Variants in CFAP54 observed in about 807,000 individuals in gnomAD.
CFAP54 encodes the protein cilia and flagella associated protein 54.
A neutral mutation model predicts 370.4 loss-of-function variants in CFAP54; 290 were observed. That is an observed-to-expected ratio of 0.78 (90% CI 0.71 to 0.86). CFAP54 has a LOEUF of 0.86. CFAP54 is among the 40% of genes least tolerant of loss of function. The pLI, the probability that CFAP54 is intolerant of heterozygous loss-of-function variation, is 0.00. For missense variants in CFAP54, 3,399 were observed against 3,528.7 expected (o/e 0.96, Z 0.93); for synonymous variants, 1,206 against 1,236.5 (o/e 0.98, Z 0.52).
chr12:96,581,763 T>C (rs925754072), intron 22 of CFAP54, among the ~76,000 whole-genome samples: 7 of 152,066 alleles, frequency 4.6e-5, no homozygotes, highest in African/African-American at 1.7e-4. Context: ...TTATTTTACA[T>C]CCTGATATTT....
Position 96,503,912 on chromosome 12 carries a change from C to T in CFAP54, c.450C>T (p.Cys150=). The part of the protein sequence containing the change: ...MKEYKLALLQ[C]YGRYLQQFNT... ...AATACAAACTGGCCCTTTTACAATGCTATGGAAGATATCTTCAGCAGTTCA... is the reference window on the plus strand; with the variant it reads ...AATACAAACTGGCCCTTTTACAATGTTATGGAAGATATCTTCAGCAGTTCA... The change falls in exon 3 of 68, where the codon TGC becomes TGT. Residue 150 remains cysteine (C), a synonymous_variant. Transcript: ENST00000524981. 1 of 1,515,170 alleles carries T rather than the reference C, an allele frequency of 6.6e-7. No individual in the cohort carries two copies. The highest frequency in any genetic ancestry group is 8.8e-7 in the Non-Finnish European group (1 of 1,138,778). The allele number at this position is 1,515,170 out of a possible 1,614,324, so 93.9% of individuals were successfully genotyped here.
rs1958257479 is a variant in CFAP54 at position 96,756,395 on chromosome 12, T to C, written c.7841-63T>C. 1.0e-5 allele frequency: 9 copies of C among 865,972 alleles called. No homozygotes were observed. The South Asian group carries it at 1.5e-4, about 15-fold the overall frequency. The allele number at this position is 865,972 out of a possible 1,614,324, so 53.6% of individuals were successfully genotyped here. On this transcript the variant is annotated intron_variant, in intron 56 of 67. Transcript: ENST00000524981. The stretch of plus-strand genomic sequence containing the variant: ...TTCTGAATTTCCAGCATGAAATATT[T>C]GTTCTTAAGTTCTAAGTGCTAGAAA...
chr12:96,704,384 G>A lies in CFAP54; in HGVS notation c.6475-359G>A, dbSNP rs1443366130. On this transcript the variant is annotated intron_variant, in intron 46 of 67. Coordinates refer to ENST00000524981, the MANE Select transcript of CFAP54 (RefSeq NM_001306084.2). ...GGAGCTTGCAGTGAGCTGAGATGGC[G>A]CCACTGCACTCCAGCCTGGGCGACA... Among the ~76,000 whole-genome samples the A allele has an allele frequency of 1.1e-3, 161 of 141,576 alleles. 1 individual carries two copies. The highest frequency in any genetic ancestry group is 3.3e-3 in the African/African-American group (126 of 38,218). 92.9% of individuals were successfully genotyped at this position (141,576 alleles called of 152,430 possible). A position where few individuals can be genotyped will look rare whatever the true frequency, so the allele number is the denominator to read the frequency against.
intron 66 of CFAP54, among the ~76,000 whole-genome samples, chr12:96,838,787 G>T (rs1465812675): frequency 6.6e-6 from 1 of 152,182 alleles, no homozygotes; most frequent in Non-Finnish European, 1.5e-5. Context: ...TGACAGTCTA[G>T]AAGGAAGGGA....
At chr12:96,763,629 A>T (rs1257496743) in intron 58 of CFAP54, among the ~76,000 whole-genome samples, 2 of 152,014 alleles carry the variant, frequency 1.3e-5, no homozygotes, top group Non-Finnish European at 2.9e-5. Flanking sequence ...AAATACAAAA[A>T]CTAGCTGGGT....
Position 96,621,690 on chromosome 12 carries a change from G to C in CFAP54, c.3740G>C (p.Gly1247Ala). The part of the protein sequence containing the change: ...ITPGCKSLFD[G>A]SNEQEEMPEE... The stretch of plus-strand genomic sequence containing the variant: ...CCAGGATGCAAGTCTCTGTTTGATG[G>C]TAGTAATGAACAAGAAGAAATGCCA... Residue 1247 changes from glycine (G) to alanine (A), a missense_variant, in exon 27 of 68, where the codon GGT becomes GCT. Physicochemically the swap from Gly to Ala is moderately conservative, Grantham distance 60. Around this residue, in one of 3 missense-constraint regions of CFAP54, gnomAD observed 2,796 missense variants for 2,869.7 expected, o/e 0.97. Transcript: ENST00000524981. 1 of 1,526,830 alleles carries C rather than the reference G, an allele frequency of 6.5e-7. No homozygotes were observed. Among genetic ancestry groups the C allele is most frequent in the Non-Finnish European group, 8.8e-7 (1 of 1,141,974 alleles). The allele number at this position is 1,526,830 out of a possible 1,614,324, so 94.6% of individuals were successfully genotyped here.
rs1449375169 is a variant in CFAP54, at chr12:96,743,900, T to C, written c.7547T>C (p.Leu2516Pro). The C allele has an allele frequency of 6.2e-7, 1 of 1,612,346 alleles. No homozygotes were observed. ...TTGTTAACTCGGGCTCATAGCATTCTAACTGAACAGGTGAGAATGCTTTTG... is the reference window on the plus strand; with the variant it reads ...TTGTTAACTCGGGCTCATAGCATTCCAACTGAACAGGTGAGAATGCTTTTG... ...LNLLTRAHSI[L>P]TEQMLAFGET... The change falls in exon 54 of 68, where the codon CTA (leucine) becomes CCA (proline). Residue 2516 changes from leucine to proline, a missense_variant. By Grantham distance (98) the Leu-to-Pro change is moderately conservative. Transcript: ENST00000524981.
At chr12:96,490,458 A>G (rs1954868613) in intron 1 of CFAP54, among the ~76,000 whole-genome samples, 1 of 152,194 alleles carries the variant, frequency 6.6e-6, no homozygotes, top group South Asian at 2.1e-4. Context: ...TTTTCTCCAT[A>G]TACAAATTTA....
chr12:96,641,502 T>C (rs1322896072), intron 32 of CFAP54, among the ~76,000 whole-genome samples: 1 of 151,940 alleles, frequency 6.6e-6, no homozygotes, highest in Non-Finnish European at 1.5e-5. Context: ...AGTTCAACCT[T>C]TGTGGAAGTC....
At chr12:96,857,174 C>T (rs1006676281) in intron 66 of CFAP54, among the ~76,000 whole-genome samples, 6 of 152,144 alleles carry the variant, frequency 3.9e-5, no homozygotes, top group East Asian at 1.9e-4. Flanking sequence ...GGGTCCCTCC[C>T]GTGACACATG....
intron 60 of CFAP54, among the ~76,000 whole-genome samples, chr12:96,777,162 C>T (rs1592755517): frequency 6.6e-6 from 1 of 152,060 alleles, no homozygotes; most frequent in East Asian, 1.9e-4. Flanking sequence ...AGTAAAAGTG[C>T]TCATTCAGCT....
intron 23 of CFAP54, among the ~76,000 whole-genome samples, chr12:96,591,198 C>T (rs1837914170): frequency 6.6e-6 from 1 of 152,090 alleles, no homozygotes; most frequent in African/African-American, 2.4e-5. Flanking sequence ...AGTGCCAGGT[C>T]AGGCAGAGCA....
chr12:96,806,756 A>T (rs1958887215), intron 63 of CFAP54, among the ~76,000 whole-genome samples: 2 of 152,162 alleles, frequency 1.3e-5, no homozygotes, highest in African/African-American at 4.8e-5. Flanking sequence ...CCATGCAATT[A>T]GCTGGAGCCT....
At chr12:96,731,843 A>G (rs987581755) in intron 50 of CFAP54, among the ~76,000 whole-genome samples, 4 of 152,168 alleles carry the variant, frequency 2.6e-5, no homozygotes, top group African/African-American at 9.7e-5. Context: ...AAGTTCAGCA[A>G]TATGTGGTAT....
In CFAP54 at chr12:96,661,023, C is replaced by T. The variant is rs796766706; in HGVS notation, c.5460+2677C>T. The stretch of plus-strand genomic sequence containing the variant: ...GAGCTTTCATGGATCCACCAGCCTC[C>T]GGGAACCTCCACATGTTCAGAAGCT... On this transcript the variant is annotated intron_variant, in intron 38 of 67. Transcript: ENST00000524981. Among the ~76,000 whole-genome samples, 22 of 152,126 alleles carry T rather than the reference C, an allele frequency of 1.4e-4. No individual in the cohort carries two copies. The Middle Eastern group carries it at 0.01, about 71-fold the overall frequency.
intron 60 of CFAP54, among the ~76,000 whole-genome samples, chr12:96,773,599 T>C (rs1353248748): frequency 6.6e-6 from 1 of 152,242 alleles, no homozygotes; most frequent in East Asian, 1.9e-4. Flanking sequence ...AAAATACAAA[T>C]AGTGGTATAA....
At chr12:96,797,952 C>A (rs982518726) in intron 63 of CFAP54, among the ~76,000 whole-genome samples, 6 of 151,750 alleles carry the variant, frequency 4.0e-5, no homozygotes, top group African/African-American at 1.5e-4. Flanking sequence ...CTTTATCATT[C>A]ATTTTTTCAC....
intron 4 of CFAP54, among the ~76,000 whole-genome samples, chr12:96,510,320 A>T (rs957983289): frequency 1.3e-5 from 2 of 151,946 alleles, no homozygotes; most frequent in African/African-American, 4.8e-5. Context: ...ATAAAGATTC[A>T]GTCTGTGTTC....
intron 8 of CFAP54, among the ~76,000 whole-genome samples, chr12:96,523,073 C>T (rs186546187): frequency 4.7e-4 from 72 of 152,164 alleles, no homozygotes; most frequent in Admixed American, 1.2e-3. Context: ...AGTTCTATAT[C>T]GTTTTGAAGC....
Sources: allele counts gnomAD v4.1 joint callset (sites outside exome capture counted in the v4.1 genomes callset), GRCh38; gene constraint gnomAD v4.1.1; regional missense constraint gnomAD v4.1.1; transcripts MANE v1.5; gene names NCBI Gene and HGNC (gene_info 2026-07-23, HGNC 2026-07-21).